RBMS3: variants seen among roughly 807,000 people sequenced by gnomAD.
RBMS3 encodes RNA-binding motif, single-stranded-interacting protein 3.
Under a neutral mutation model 66.8 loss-of-function variants are expected in RBMS3, and 27 were observed. That is an observed-to-expected ratio of 0.40 (90% CI 0.30 to 0.56). RBMS3 has a LOEUF of 0.56. Ranked by LOEUF, RBMS3 falls within the 20% of genes least tolerant of loss-of-function variation. The pLI is 0.40. For synonymous variants in RBMS3, 188 were observed against 183.0 expected (o/e 1.03, Z -0.22); for missense variants, 513 against 549.5 (o/e 0.93, Z 0.66).
chr3:29,796,206 C>T (rs1245350043), intron 6 of RBMS3, among the ~76,000 whole-genome samples: 1 of 152,230 alleles, frequency 6.6e-6, no homozygotes, highest in African/African-American at 2.4e-5. Context: ...TCAAGTAATC[C>T]TCCTTTCTCT....
intron 3 of RBMS3, among the ~76,000 whole-genome samples, chr3:29,492,074 A>C (rs1409001571): frequency 6.6e-6 from 1 of 152,102 alleles, no homozygotes; most frequent in Non-Finnish European, 1.5e-5. Flanking sequence ...TCGTGTGTCC[A>C]TTATATGCTT....
intron 6 of RBMS3, among the ~76,000 whole-genome samples, chr3:29,798,326 G>GA (rs2057277680): frequency 3.4e-5 from 3 of 89,026 alleles, no homozygotes; most frequent in African/African-American, 1.4e-4. Context: ...GAAGGGAAGG[G>GA]AGGGGAGGGG....
intron 4 of RBMS3, among the ~76,000 whole-genome samples, chr3:29,696,078 T>A (rs553954063): frequency 6.6e-6 from 1 of 152,278 alleles, no homozygotes; most frequent in East Asian, 1.9e-4. Flanking sequence ...ACTCTCCATG[T>A]CTTCTGTTAA....
At chr3:29,908,110 G>A (rs1295832841) in intron 10 of RBMS3, among the ~76,000 whole-genome samples, 1 of 151,922 alleles carries the variant, frequency 6.6e-6, no homozygotes, top group Admixed American at 6.6e-5. Context: ...AATTAGCCAG[G>A]CATGGTGGTG....
rs1476141047 is a variant in RBMS3, at chr3:29,821,086, C to T, written c.638-47772C>T. ...CAAATGTGAATCCAAGTTCATATAT[C>T]CCCTTGCTGTTTTTCTGCCCAAATG... On this transcript the variant is annotated intron_variant, in intron 6 of 14. Coordinates refer to ENST00000383767, the MANE Select transcript of RBMS3 (RefSeq NM_001003793.3). Among the ~76,000 whole-genome samples, 6 of 152,280 alleles carry T rather than the reference C, an allele frequency of 3.9e-5. No individual in the cohort carries two copies. In the South Asian group the frequency reaches 8.3e-4, roughly 21 times the overall value.
chr3:29,337,645 C>G (rs1172475662), intron 1 of RBMS3, among the ~76,000 whole-genome samples: 1 of 151,610 alleles, frequency 6.6e-6, no homozygotes, highest in Non-Finnish European at 1.5e-5. Flanking sequence ...GAACCTGTGT[C>G]TAATTTTAAA....
At chr3:29,559,910 A>G (rs1383593421) in intron 3 of RBMS3, among the ~76,000 whole-genome samples, 1 of 152,202 alleles carries the variant, frequency 6.6e-6, no homozygotes, top group Non-Finnish European at 1.5e-5. Context: ...AGTACTCAAG[A>G]TAGAGTGTCT....
At chr3:29,458,341 G>A (rs946573110) in intron 2 of RBMS3, among the ~76,000 whole-genome samples, 10 of 152,142 alleles carry the variant, frequency 6.6e-5, no homozygotes, top group African/African-American at 1.9e-4. Flanking sequence ...ATACTCAGAT[G>A]GTTCGTAATG....
intron 4 of RBMS3, among the ~76,000 whole-genome samples, chr3:29,604,012 G>A (rs1225858979): frequency 6.6e-6 from 1 of 151,868 alleles, no homozygotes; most frequent in African/African-American, 2.4e-5. Flanking sequence ...CTGTTCGGTG[G>A]GTAGAAGCCA....
In RBMS3 at chr3:29,889,419, A is replaced by AT. The variant is rs1161600399; in HGVS notation, c.791+5211_791+5212insT. ...AGAAAAACAGTTTAAGCAATGGTTA[A>AT]GAGTGAAAACTTCAGAATCATCCTG... On this transcript the variant is annotated intron_variant, in intron 8 of 14. Coordinates refer to ENST00000383767, the MANE Select transcript of RBMS3 (RefSeq NM_001003793.3). Among the ~76,000 whole-genome samples, 10 of 151,890 alleles carry AT rather than the reference A, an allele frequency of 6.6e-5. No homozygotes were observed. In the East Asian group the frequency reaches 1.9e-3, roughly 30 times the overall value.
At chr3:29,700,212 T>C (rs2052493924) in intron 4 of RBMS3, among the ~76,000 whole-genome samples, 1 of 152,240 alleles carries the variant, frequency 6.6e-6, no homozygotes, top group Admixed American at 6.5e-5. Flanking sequence ...CCAGTAGATC[T>C]ATTATAGATG....
intron 4 of RBMS3, among the ~76,000 whole-genome samples, chr3:29,681,719 G>A (rs776263747): frequency 1.3e-5 from 2 of 152,208 alleles, no homozygotes; most frequent in African/African-American, 4.8e-5. Context: ...ATTCCATGGT[G>A]TATATGTACC....
intron 3 of RBMS3, among the ~76,000 whole-genome samples, chr3:29,532,903 C>CT (rs1409054916): frequency 6.6e-6 from 1 of 151,990 alleles, no homozygotes; most frequent in Non-Finnish European, 1.5e-5. Flanking sequence ...CCTAAAATGT[C>CT]TTTTGAATGA....
At chr3:29,364,490 C>T (rs1045004399) in intron 1 of RBMS3, among the ~76,000 whole-genome samples, 1 of 152,128 alleles carries the variant, frequency 6.6e-6, no homozygotes, top group African/African-American at 2.4e-5. Flanking sequence ...TTTAAGAAGA[C>T]AACCTAAATA....
At chr3:29,941,602 A>C (rs1240994202) in intron 11 of RBMS3, among the ~76,000 whole-genome samples, 2 of 151,866 alleles carry the variant, frequency 1.3e-5, no homozygotes, top group African/African-American at 4.8e-5. Context: ...AGCTGGCATT[A>C]AGTGTAAGTC....
chr3:29,898,736 CGTGTGTGTGT>C (rs3072651), intron 9 of RBMS3, among the ~76,000 whole-genome samples: 3 of 142,614 alleles, frequency 2.1e-5, no homozygotes, highest in Middle Eastern at 3.6e-3. Context: ...TTGTAATGTG[CGTGTGTGTGT>C]GTGTGTGTGT....
At chr3:29,404,744 T>TGAG (rs2039944381) in intron 1 of RBMS3, among the ~76,000 whole-genome samples, 2 of 152,118 alleles carry the variant, frequency 1.3e-5, no homozygotes, top group Admixed American at 1.3e-4. Context: ...AACAGAGATA[T>TGAG]GAGTGTTGGG....
chr3:29,553,571 C>T (rs2046246527), intron 3 of RBMS3, among the ~76,000 whole-genome samples: 1 of 151,988 alleles, frequency 6.6e-6, no homozygotes, highest in African/African-American at 2.4e-5. Context: ...GGGTGCTGCC[C>T]AGATGGTGAC....
chr3:29,695,844 G>C (rs1165317387), intron 4 of RBMS3, among the ~76,000 whole-genome samples: 4 of 152,182 alleles, frequency 2.6e-5, no homozygotes, highest in African/African-American at 4.8e-5. Flanking sequence ...AGCCAAAAAT[G>C]TAAACCAGTT....
Sources: allele counts gnomAD v4.1 joint callset (sites outside exome capture counted in the v4.1 genomes callset), GRCh38; gene constraint gnomAD v4.1.1; transcripts MANE v1.5; gene names NCBI Gene and HGNC (gene_info 2026-07-23, HGNC 2026-07-21).